The following ADGRG6 variants were observed in gnomAD, a reference collection of about 807,000 sequenced individuals.
ADGRG6 encodes the protein G-protein coupled receptor 126.
Under a neutral mutation model 142.4 loss-of-function variants are expected in ADGRG6, and 84 were observed. The ratio of observed to expected loss-of-function variants is 0.59; its 90% CI spans 0.49 to 0.71. The LOEUF is 0.71. Ranked by LOEUF, ADGRG6 falls within the 30% of genes least tolerant of loss-of-function variation. ADGRG6 has a pLI of 0.00. For synonymous variants in ADGRG6, 521 were observed against 520.5 expected (o/e 1.00, Z -0.01); for missense variants, 1,367 against 1,466.6 (o/e 0.93, Z 1.11).
intron 21 of ADGRG6, among the ~76,000 whole-genome samples, chr6:142,419,264 C>T (rs1188633918): frequency 1.3e-5 from 2 of 152,130 alleles, no homozygotes; most frequent in African/African-American, 4.8e-5. Context: ...GGCTTGACCT[C>T]TCTGTCATTG....
intron 2 of ADGRG6, among the ~76,000 whole-genome samples, chr6:142,342,542 G>C (rs182331438): frequency 3.4e-4 from 51 of 152,068 alleles, no homozygotes; most frequent in African/African-American, 1.2e-3. Flanking sequence ...ATACTTTACC[G>C]TCTAAATAAG....
At position 142,408,139 on chromosome 6, in the gene ADGRG6, T is replaced by G. The variant is rs998417528; in HGVS notation, c.2269-11T>G. On this transcript the variant is annotated splice_polypyrimidine_tract_variant and intron_variant, in intron 15 of 24. Transcript: ENST00000367609. Reference sequence around the variant, plus strand: ...TCTGACTGATACACGCGATTTTTTTTTCTTTAAAAGGATGTAGGACCCCAA... The same window carrying G: ...TCTGACTGATACACGCGATTTTTTTGTCTTTAAAAGGATGTAGGACCCCAA... The G allele has an allele frequency of 2.6e-6, 4 of 1,543,288 alleles. No individual in the cohort carries two copies. Among genetic ancestry groups the G allele is most frequent in the Non-Finnish European group, 2.6e-6 (3 of 1,143,112 alleles).
chr6:142,437,448 A>G lies in ADGRG6; in HGVS notation c.3334A>G (p.Ile1112Val), dbSNP rs369521129. 5.3e-6 allele frequency: 8 copies of G among 1,520,144 alleles called. No homozygotes were observed. The highest frequency in any genetic ancestry group is 7.3e-6 in the Non-Finnish European group (8 of 1,096,132). The allele number at this position is 1,520,144 out of a possible 1,614,324, so 94.2% of individuals were successfully genotyped here. A position where few individuals can be genotyped will look rare whatever the true frequency, so the allele number is the denominator to read the frequency against. ...FNSLQGLFIF[I>V]FHCAMKENVQ... ...TTTTGTCACAGGCTTATTTATATTC[A>G]TCTTCCACTGTGCTATGAAGGAGAA... Residue 1112 changes from isoleucine to valine, a missense_variant, in exon 23 of 25, where the codon ATC (isoleucine) becomes GTC (valine). Physicochemically the swap from Ile to Val is conservative, Grantham distance 29. Transcript: ENST00000367609.
At chr6:142,320,074 GA>G (rs1229738364) in intron 2 of ADGRG6, among the ~76,000 whole-genome samples, 2 of 151,964 alleles carry the variant, frequency 1.3e-5, no homozygotes, top group Non-Finnish European at 2.9e-5. Flanking sequence ...TAATAAAAAT[GA>G]ACATATGTAG....
At chr6:142,363,157 A>G (rs1780797636) in intron 2 of ADGRG6, among the ~76,000 whole-genome samples, 3 of 152,344 alleles carry the variant, frequency 2.0e-5, no homozygotes, top group Non-Finnish European at 2.9e-5. Context: ...AGTCTAGAAG[A>G]AGCAATTATT....
At position 142,397,739 on chromosome 6, in the gene ADGRG6, G is replaced by C. The variant is rs1357714756; in HGVS notation, c.1551G>C (p.Val517=). 6.3e-7 allele frequency: 1 copy of C among 1,579,096 alleles called. No individual in the cohort carries two copies. The highest frequency in any genetic ancestry group is 8.6e-7 in the Non-Finnish European group (1 of 1,167,142). ...ATGAAGGCTTGAGGCTACATACAGT[G>C]AATGTGAGACAACTGGGTAAGTGAC... ...SLDEGLRLHT[V]NVRQLGHCLA... The change falls in exon 10 of 25, where the codon GTG becomes GTC. Residue 517 remains valine, a synonymous_variant. Transcript: ENST00000367609.
intron 2 of ADGRG6, among the ~76,000 whole-genome samples, chr6:142,313,534 GCA>G (rs1021231913): frequency 3.2e-4 from 48 of 152,268 alleles, no homozygotes; most frequent in African/African-American, 1.1e-3. Flanking sequence ...TCGTTTCAAA[GCA>G]CAGTGTTACT....
At chr6:142,367,533 G>A (rs746811790) in intron 2 of ADGRG6, 36 bp from the exon 3 acceptor site, 47 of 1,550,412 alleles carry the variant, frequency 3.0e-5, no homozygotes, top group Non-Finnish European at 3.6e-5. Context: ...TCTGAACCCA[G>A]CCCTTCTCTC....
At chr6:142,398,971 C>T (rs1562366209) in intron 10 of ADGRG6, among the ~76,000 whole-genome samples, 2 of 152,028 alleles carry the variant, frequency 1.3e-5, no homozygotes, top group South Asian at 2.1e-4. Context: ...CCAGCACATT[C>T]CCTGGAACTG....
chr6:142,437,549 G>A lies in ADGRG6; in HGVS notation c.3421+14G>A, dbSNP rs1024355590. 8.2e-7 allele frequency: 1 copy of A among 1,218,734 alleles called. No homozygotes were observed. The allele number at this position is 1,218,734 out of a possible 1,614,324, so 75.5% of individuals were successfully genotyped here. A position where few individuals can be genotyped will look rare whatever the true frequency, so the allele number is the denominator to read the frequency against. On this transcript the variant is annotated intron_variant, in intron 23 of 24. Transcript: ENST00000367609. ...CAGATAACTCAGGTAAAGAGTTGTTGATTAAATTTTACATCTACAAGTAGA... is the reference window on the plus strand; with the variant it reads ...CAGATAACTCAGGTAAAGAGTTGTTAATTAAATTTTACATCTACAAGTAGA...
At position 142,390,337 on chromosome 6, in the gene ADGRG6, A is replaced by G. The variant is rs1372379975; in HGVS notation, c.1302A>G (p.Ala434=). The G allele has an allele frequency of 1.3e-6, 2 of 1,578,802 alleles. No individual in the cohort carries two copies. The highest frequency in any genetic ancestry group is 1.7e-6 in the Non-Finnish European group (2 of 1,151,626). ...HPEVKVQSKV[A]EWLNSTFQNW... ...AGGTAAAAGTACAGAGCAAGGTGGC[A>G]GAATGGGTAAGTGAGCTTGTAACTT... The change falls in exon 7 of 25, where the codon GCA becomes GCG. Residue 434 remains alanine, a synonymous_variant. Transcript: ENST00000367609.
Position 142,309,592 on chromosome 6 carries a change from C to T in ADGRG6, c.51C>T (p.Pro17=). 6.2e-7 allele frequency: 1 copy of T among 1,609,338 alleles called. No individual in the cohort carries two copies. The highest frequency in any genetic ancestry group is 2.2e-5 in the East Asian group (1 of 44,754). ...RMWSCHWKWK[P]SPLLFLFALY... is the part of the protein sequence containing the mutation. ...GGAGCTGCCATTGGAAATGGAAGCCCAGTCCTCTCCTGTTCTTATTTGCTT... is the reference window on the plus strand; with the variant it reads ...GGAGCTGCCATTGGAAATGGAAGCCTAGTCCTCTCCTGTTCTTATTTGCTT... The change falls in exon 2 of 25, where the codon CCC becomes CCT. Residue 17 remains proline (P), a synonymous_variant. Transcript: ENST00000367609.
intron 2 of ADGRG6, among the ~76,000 whole-genome samples, chr6:142,327,549 T>TTG (rs1778839690): frequency 6.6e-6 from 1 of 152,156 alleles, no homozygotes; most frequent in Non-Finnish European, 1.5e-5. Context: ...ATTTCCCTCA[T>TTG]TGTGTAGCAC....
chr6:142,403,881 T>A lies in ADGRG6; in HGVS notation c.2035T>A (p.Leu679Met). 1 of 1,609,746 alleles carries A rather than the reference T, an allele frequency of 6.2e-7. No homozygotes were observed. Among genetic ancestry groups the A allele is most frequent in the Non-Finnish European group, 8.5e-7 (1 of 1,176,396 alleles). Reference protein sequence around the residue: ...TSHVNITTRNLALSVSSLLPG... With the variant: ...TSHVNITTRNMALSVSSLLPG... ...ACATGTGAATATTACAACTCGGAAC[T>A]TGGCTCTCAGCGTATCATCCCTGTT... The change falls in exon 14 of 25, where the codon TTG becomes ATG. Residue 679 changes from leucine (L) to methionine (M), a missense_variant. Physicochemically the swap from Leu to Met is conservative, Grantham distance 15. This residue lies in a region of ADGRG6 where 286 missense variants were observed against 371.4 expected (regional missense o/e 0.77). Coordinates refer to ENST00000367609, the MANE Select transcript of ADGRG6 (RefSeq NM_198569.3).
At chr6:142,428,979 TC>T (rs1360232989) in intron 22 of ADGRG6, among the ~76,000 whole-genome samples, 4 of 152,214 alleles carry the variant, frequency 2.6e-5, no homozygotes, top group African/African-American at 9.7e-5. Flanking sequence ...TTTGCTGTTT[TC>T]CAGGATAAAA....
chr6:142,359,772 G>A (rs1029509403), intron 2 of ADGRG6, among the ~76,000 whole-genome samples: 1 of 152,184 alleles, frequency 6.6e-6, no homozygotes, highest in African/African-American at 2.4e-5. Flanking sequence ...TTTATTAAGT[G>A]CGGGGATGTG....
At chr6:142,392,313 T>C (rs1226703704) in intron 7 of ADGRG6, among the ~76,000 whole-genome samples, 1 of 151,940 alleles carries the variant, frequency 6.6e-6, no homozygotes, top group Non-Finnish European at 1.5e-5. Flanking sequence ...CTTCTTTATA[T>C]TGGAGGAATC....
chr6:142,335,289 A>G (rs1336408207), intron 2 of ADGRG6, among the ~76,000 whole-genome samples: 2 of 152,114 alleles, frequency 1.3e-5, no homozygotes, highest in African/African-American at 4.8e-5. Context: ...CATGATGTGA[A>G]CTTTTTATTA....
intron 5 of ADGRG6, 127 bp downstream of exon 5, chr6:142,382,146 A>G: frequency 3.1e-6 from 2 of 637,758 alleles, no homozygotes; most frequent in East Asian, 5.6e-5. Context: ...GCAAAACAGA[A>G]GAATTTCTGC....
Sources: gnomAD v4.1 joint callset for allele counts (sites outside exome capture counted in the v4.1 genomes callset) on GRCh38, gnomAD v4.1.1 for gene constraint, gnomAD v4.1.1 regional missense constraint, MANE v1.5 for transcripts, NCBI Gene and HGNC (gene_info 2026-07-23, HGNC 2026-07-21) for gene names.